Variants in AUTS2 observed in about 807,000 individuals in gnomAD.
The protein encoded by AUTS2 is activator of transcription and developmental regulator AUTS2, also known as autism susceptibility gene 2 protein.
AUTS2 carries 17 observed loss-of-function variants against 112.4 expected under a neutral mutation model. The ratio of observed to expected loss-of-function variants is 0.15; its 90% CI spans 0.10 to 0.23. The LOEUF is 0.23. Ranked by LOEUF, AUTS2 falls within the 10% of genes least tolerant of loss-of-function variation. The pLI, the probability that AUTS2 is intolerant of heterozygous loss-of-function variation, is 1.00. For missense variants in AUTS2, 1,510 were observed against 1,701.6 expected, an observed-to-expected ratio of 0.89 and a Z score of 1.98; for synonymous variants, 751 against 702.7, an observed-to-expected ratio of 1.07 and a Z score of -1.09.
intron 4 of AUTS2, among the ~76,000 whole-genome samples, chr7:70,418,489 A>G (rs948120228): frequency 6.6e-5 from 10 of 152,202 alleles, no homozygotes; most frequent in African/African-American, 2.4e-4. Context: ...GCAGAACCCA[A>G]ATCCAAATAC....
At chr7:70,210,864 A>G (rs1220056892) in intron 4 of AUTS2, among the ~76,000 whole-genome samples, 1 of 152,168 alleles carries the variant, frequency 6.6e-6, no homozygotes, top group Non-Finnish European at 1.5e-5. Context: ...GTTGCATGGC[A>G]AACACAGGAT....
intron 4 of AUTS2, among the ~76,000 whole-genome samples, chr7:70,284,894 T>C (rs1045927171): frequency 6.6e-6 from 1 of 152,226 alleles, no homozygotes; most frequent in Non-Finnish European, 1.5e-5. Context: ...TCAAAAACTC[T>C]AGACTCCTTC....
chr7:69,628,976 A>C (rs572805284), intron 1 of AUTS2, among the ~76,000 whole-genome samples: 2 of 152,260 alleles, frequency 1.3e-5, no homozygotes, highest in African/African-American at 4.8e-5. Flanking sequence ...TGCGTAAACC[A>C]TTTCATTTGA....
intron 2 of AUTS2, among the ~76,000 whole-genome samples, chr7:70,067,852 T>TAA (rs543724371): frequency 7.6e-6 from 1 of 130,872 alleles, no homozygotes; most frequent in Non-Finnish European, 1.6e-5. Flanking sequence ...AGCACCTGTC[T>TAA]AAAAAAAAAA....
At chr7:69,713,824 T>C (rs183866502) in intron 1 of AUTS2, among the ~76,000 whole-genome samples, 1 of 152,294 alleles carries the variant, frequency 6.6e-6, no homozygotes, top group African/African-American at 2.4e-5. Flanking sequence ...GCAGATAATA[T>C]TCTTCCAGCC....
intron 1 of AUTS2, among the ~76,000 whole-genome samples, chr7:69,687,489 TC>T (rs1282916181): frequency 6.6e-6 from 1 of 152,206 alleles, no homozygotes; most frequent in Non-Finnish European, 1.5e-5. Context: ...TTTTTAGGAC[TC>T]CCCTCTCTTA....
At chr7:69,795,081 G>A (rs936906917) in intron 1 of AUTS2, among the ~76,000 whole-genome samples, 2 of 152,164 alleles carry the variant, frequency 1.3e-5, no homozygotes. Context: ...TCATGGGGTT[G>A]TGATAACTAA....
chr7:69,987,522 C>A (rs1028054225), intron 2 of AUTS2, among the ~76,000 whole-genome samples: 2 of 152,126 alleles, frequency 1.3e-5, no homozygotes, highest in South Asian at 4.2e-4. Context: ...TTTTATAGAG[C>A]AGTGGTGTCA....
chr7:70,307,759 C>T (rs946448452), intron 4 of AUTS2, among the ~76,000 whole-genome samples: 1 of 152,120 alleles, frequency 6.6e-6, no homozygotes, highest in Non-Finnish European at 1.5e-5. Flanking sequence ...TCACTAAAAG[C>T]AATTTCAGAT....
chr7:70,533,850 A>G (rs1203160766), intron 5 of AUTS2, among the ~76,000 whole-genome samples: 1 of 152,192 alleles, frequency 6.6e-6, no homozygotes, highest in Non-Finnish European at 1.5e-5. Flanking sequence ...CTTTAGTAGC[A>G]GCTGAGCGTG....
At chr7:70,547,771 A>T (rs189896386) in intron 5 of AUTS2, among the ~76,000 whole-genome samples, 19 of 152,382 alleles carry the variant, frequency 1.2e-4, no homozygotes, top group South Asian at 2.1e-4. Flanking sequence ...GTGAACACTC[A>T]CATACAGCTG....
At chr7:69,764,424 C>A (rs897323578) in intron 1 of AUTS2, among the ~76,000 whole-genome samples, 7 of 150,098 alleles carry the variant, frequency 4.7e-5, no homozygotes, top group African/African-American at 1.7e-4. Context: ...AAGTTGCGGG[C>A]AGGGGCGCAG....
intron 1 of AUTS2, among the ~76,000 whole-genome samples, chr7:69,854,919 T>G (rs964895053): frequency 3.4e-4 from 52 of 152,288 alleles, no homozygotes; most frequent in African/African-American, 1.2e-3. Context: ...AGAAACCATA[T>G]GTGTTTGTGG....
At chr7:70,600,550 A>AC (rs1383740268) in intron 5 of AUTS2, among the ~76,000 whole-genome samples, 1 of 152,218 alleles carries the variant, frequency 6.6e-6, no homozygotes, top group Non-Finnish European at 1.5e-5. Context: ...TGCTGGGATT[A>AC]CAGGCACGGG....
At chr7:70,243,899 A>G (rs759095929) in intron 4 of AUTS2, among the ~76,000 whole-genome samples, 10 of 152,002 alleles carry the variant, frequency 6.6e-5, no homozygotes, top group South Asian at 2.1e-4. Context: ...TGACAGTAAT[A>G]GTAAGAGTAT....
chr7:70,639,090 C>T (rs1563093528), intron 5 of AUTS2, among the ~76,000 whole-genome samples: 2 of 152,004 alleles, frequency 1.3e-5, no homozygotes, highest in Non-Finnish European at 2.9e-5. Context: ...AAAAAGTTGC[C>T]GCAAAAGATT....
At chr7:69,867,959 A>G (rs1793309881) in intron 1 of AUTS2, among the ~76,000 whole-genome samples, 1 of 152,176 alleles carries the variant, frequency 6.6e-6, no homozygotes, top group Non-Finnish European at 1.5e-5. Context: ...ACTCTAAAAA[A>G]TCATATAGGA....
intron 5 of AUTS2, among the ~76,000 whole-genome samples, chr7:70,679,306 G>A (rs755834929): frequency 1.9e-4 from 29 of 152,340 alleles, no homozygotes; most frequent in Middle Eastern, 3.4e-3. Context: ...AGCCAGGAAC[G>A]TTGTGGCCCA....
At position 70,166,852 on chromosome 7, in the gene AUTS2, C is replaced by T. The variant is rs184637048; in HGVS notation, c.660+32281C>T. Among the ~76,000 whole-genome samples, 13 of 152,214 alleles carry T rather than the reference C, an allele frequency of 8.5e-5. No individual in the cohort carries two copies. The East Asian group carries it at 1.9e-3, about 23-fold the overall frequency. ...ATAGAAAGTAAAACCCAATTTTGTG[C>T]TGCCTGCAAAAAACCCATTTTAAAT... On this transcript the variant is annotated intron_variant, in intron 4 of 18. Coordinates refer to ENST00000342771, the MANE Select transcript of AUTS2 (RefSeq NM_015570.4).
Sources: allele counts gnomAD v4.1 joint callset (sites outside exome capture counted in the v4.1 genomes callset), GRCh38; gene constraint gnomAD v4.1.1; transcripts MANE v1.5; gene names NCBI Gene and HGNC (gene_info 2026-07-23, HGNC 2026-07-21).